Variants in SNTG2 observed in about 807,000 individuals in gnomAD.
The protein encoded by SNTG2 is syntrophin gamma 2.
Under a neutral mutation model 70.9 loss-of-function variants are expected in SNTG2, and 74 were observed. That is an observed-to-expected ratio of 1.04 (90% confidence interval 0.86 to 1.27). The LOEUF is 1.27. Among genes scored for constraint, SNTG2 ranks in the 50% most tolerant of loss-of-function variants. SNTG2 has a pLI of 0.00. For missense variants in SNTG2, 717 were observed against 690.7 expected (o/e 1.04, Z -0.43); for synonymous variants, 278 against 273.8 (o/e 1.02, Z -0.15).
chr2:1,145,288 G>GA (rs60855446), intron 6 of SNTG2, among the ~76,000 whole-genome samples: 1 of 151,660 alleles, frequency 6.6e-6, no homozygotes, highest in African/African-American at 2.4e-5. Flanking sequence ...ATCAAGATAG[G>GA]AAAAAAAAAG....
intron 6 of SNTG2, among the ~76,000 whole-genome samples, chr2:1,145,269 A>G (rs936479038): frequency 1.5e-5 from 2 of 132,128 alleles, no homozygotes; most frequent in Non-Finnish European, 3.3e-5. Context: ...CAGGGACTGA[A>G]GACAGGAAAT....
In SNTG2 at chr2:1,307,099, C is replaced by CTG. The variant is rs544502993; in HGVS notation, c.1285-1384_1285-1383dup. 2.3e-3 allele frequency among the ~76,000 whole-genome samples: 322 copies of CTG among 138,322 alleles called. 1 individual carries two copies. Among genetic ancestry groups the CTG allele is most frequent in the African/African-American group, 8.2e-3 (296 of 36,232 alleles). The allele number at this position is 138,322 out of a possible 152,430, so 90.7% of individuals were successfully genotyped here. A position where few individuals can be genotyped will look rare whatever the true frequency, so the allele number is the denominator to read the frequency against. ...AATGTGTGAGTGTGTGAACCATGCA[C>CTG]TGTGTGTGTGTGGTGTGTGAGCCAT... On this transcript the variant is annotated intron_variant, in intron 14 of 16. Transcript: ENST00000308624.
At chr2:1,103,473 C>A in intron 4 of SNTG2, 1 of 221,180 alleles carries the variant, frequency 4.5e-6, no homozygotes, top group Non-Finnish European at 9.3e-6. Context: ...AACCAACCTC[C>A]ACCTCCCAGG....
chr2:1,295,833 G>A (rs780995786), intron 14 of SNTG2, among the ~76,000 whole-genome samples: 25 of 151,404 alleles, frequency 1.7e-4, no homozygotes, highest in Non-Finnish European at 1.9e-4. Context: ...GTAGAAGGCC[G>A]AGTCTCCTAT....
chr2:1,060,779 C>T (rs6722237), intron 1 of SNTG2, among the ~76,000 whole-genome samples: 25,356 of 152,154 alleles, frequency 0.17, 2,217 homozygotes, highest in South Asian at 0.2. Flanking sequence ...TGCCAACTAA[C>T]AAATTGAAAA....
At chr2:1,322,702 T>G (rs986341521) in intron 16 of SNTG2, among the ~76,000 whole-genome samples, 1 of 151,892 alleles carries the variant, frequency 6.6e-6, no homozygotes, top group African/African-American at 2.4e-5. Flanking sequence ...CCTTTCCTAC[T>G]GGGGTACCTG....
intron 14 of SNTG2, among the ~76,000 whole-genome samples, chr2:1,269,988 T>C (rs1343191591): frequency 6.6e-6 from 1 of 152,084 alleles, no homozygotes; most frequent in Non-Finnish European, 1.5e-5. Flanking sequence ...TGCCCATGAC[T>C]GACTTGCCGG....
intron 14 of SNTG2, among the ~76,000 whole-genome samples, chr2:1,297,334 T>C (rs1178866266): frequency 2.0e-5 from 3 of 152,268 alleles, no homozygotes; most frequent in African/African-American, 7.2e-5. Context: ...CAATGGAGAA[T>C]GTAAACCCGT....
At chr2:970,682 G>A (rs1293910108) in intron 1 of SNTG2, among the ~76,000 whole-genome samples, 1 of 146,570 alleles carries the variant, frequency 6.8e-6, no homozygotes, top group African/African-American at 2.6e-5. Flanking sequence ...TGGACATTTG[G>A]GTTGGTTCCA....
chr2:1,050,264 T>A (rs1661982338), intron 1 of SNTG2, among the ~76,000 whole-genome samples: 1 of 152,218 alleles, frequency 6.6e-6, no homozygotes, highest in African/African-American at 2.4e-5. Context: ...TCAATAAATC[T>A]TTACTCCAGA....
At chr2:1,000,812 A>G (rs918200780) in intron 1 of SNTG2, among the ~76,000 whole-genome samples, 3 of 151,966 alleles carry the variant, frequency 2.0e-5, no homozygotes, top group Admixed American at 1.3e-4. Flanking sequence ...AGAACACAAC[A>G]AAAAAGAAAG....
intron 8 of SNTG2, among the ~76,000 whole-genome samples, chr2:1,197,475 GTA>G (rs139586921): frequency 0.012 from 1,137 of 95,026 alleles, 4 homozygotes; most frequent in Admixed American, 0.027. Flanking sequence ...ATATATATGT[GTA>G]TATATATATG....
At chr2:1,163,465 G>GTGAGGCCTCCCAACAGGAAGTGGGCA (rs1670477563) in intron 6 of SNTG2, 1 of 145,984 alleles carries the variant, frequency 6.9e-6, no homozygotes, top group East Asian at 2.3e-4. Flanking sequence ...GGAGGTGGGT[G>GTGAGGCCTCCCAACAGGAAGTGGGCA]TGTGAGGCCT....
chr2:1,260,061 T>C (rs1678338173), intron 13 of SNTG2, among the ~76,000 whole-genome samples: 1 of 152,232 alleles, frequency 6.6e-6, no homozygotes, highest in South Asian at 2.1e-4. Flanking sequence ...ACAAACCACC[T>C]GTGTCTTTTT....
At chr2:1,307,607 A>G (rs10194445) in intron 14 of SNTG2, among the ~76,000 whole-genome samples, 1,908 of 152,282 alleles carry the variant, frequency 0.013, 40 homozygotes, top group African/African-American at 0.042. Context: ...AGCTCAAAGC[A>G]ATGGCTCCGC....
chr2:1,215,390 T>A (rs1250136926), intron 9 of SNTG2, among the ~76,000 whole-genome samples: 1 of 152,178 alleles, frequency 6.6e-6, no homozygotes, highest in Non-Finnish European at 1.5e-5. Context: ...ATGAAAGATT[T>A]ATTATTTTTG....
intron 12 of SNTG2, among the ~76,000 whole-genome samples, chr2:1,251,591 ACACACACCACACTCATG>A (rs1241942652): frequency 6.8e-6 from 1 of 147,934 alleles, no homozygotes; most frequent in Non-Finnish European, 1.5e-5. Context: ...GGCACATACC[ACACACACCACACTCATG>A]CACACACCAC....
intron 1 of SNTG2, among the ~76,000 whole-genome samples, chr2:1,001,055 A>G (rs1199152106): frequency 6.6e-6 from 1 of 152,046 alleles, no homozygotes; most frequent in Admixed American, 6.5e-5. Flanking sequence ...AGAAGCATTC[A>G]ATAAATTCCA....
intron 9 of SNTG2, among the ~76,000 whole-genome samples, chr2:1,234,436 A>G (rs1214283161): frequency 1.3e-5 from 2 of 152,190 alleles, no homozygotes; most frequent in African/African-American, 4.8e-5. Context: ...CAGACTAATA[A>G]TGTTTATATG....
Sources: allele counts gnomAD v4.1 joint callset (sites outside exome capture counted in the v4.1 genomes callset), GRCh38; gene constraint gnomAD v4.1.1; transcripts MANE v1.5; gene names NCBI Gene and HGNC (gene_info 2026-07-23, HGNC 2026-07-21).